The following CHCHD6 variants were observed in gnomAD, a reference collection of about 807,000 sequenced individuals.
The protein encoded by CHCHD6 is coiled-coil-helix-coiled-coil-helix domain containing 6, also known as MICOS complex subunit MIC25.
CHCHD6 carries 28 observed loss-of-function variants against 32.3 expected under a neutral mutation model. The ratio of observed to expected loss-of-function variants is 0.87; its 90% CI spans 0.64 to 1.19. The LOEUF (loss-of-function observed/expected upper bound fraction) is 1.19. Ranked by LOEUF, CHCHD6 falls within the 50% of genes most tolerant of loss-of-function variation. The pLI, the probability that CHCHD6 is intolerant of heterozygous loss-of-function variation, is 0.00. For synonymous variants in CHCHD6, 122 were observed against 117.5 expected, an observed-to-expected ratio of 1.04 and a Z score of -0.25; for missense variants, 333 against 307.0, an observed-to-expected ratio of 1.08 and a Z score of -0.63.
At chr3:126,929,128 T>C (rs2078366215) in intron 6 of CHCHD6, among the ~76,000 whole-genome samples, 1 of 152,230 alleles carries the variant, frequency 6.6e-6, no homozygotes, top group South Asian at 2.1e-4. Flanking sequence ...ATAACTTTTA[T>C]GTCCCCCGTG....
chr3:126,893,528 A>C (rs2077795122), intron 5 of CHCHD6, among the ~76,000 whole-genome samples: 1 of 152,218 alleles, frequency 6.6e-6, no homozygotes, highest in Non-Finnish European at 1.5e-5. Flanking sequence ...AGTTGCGATA[A>C]AAGCCATTAA....
chr3:126,809,363 G>A (rs980984660), intron 4 of CHCHD6, among the ~76,000 whole-genome samples: 5 of 152,190 alleles, frequency 3.3e-5, no homozygotes, highest in African/African-American at 1.2e-4. Context: ...TGGTAGAGTT[G>A]TGTTCTGTCT....
intron 5 of CHCHD6, among the ~76,000 whole-genome samples, chr3:126,889,745 C>G (rs890175639): frequency 6.6e-6 from 1 of 152,342 alleles, no homozygotes; most frequent in South Asian, 2.1e-4. Context: ...CCCAGAGTCT[C>G]GAGAGCTGGA....
At chr3:126,825,923 AT>A (rs922866278) in intron 4 of CHCHD6, among the ~76,000 whole-genome samples, 4 of 152,172 alleles carry the variant, frequency 2.6e-5, no homozygotes, top group Non-Finnish European at 5.9e-5. Context: ...CTTTCTAGCA[AT>A]TCTGTGCTTC....
At chr3:126,740,399 GCTTTAT>G (rs1016307921) in intron 4 of CHCHD6, among the ~76,000 whole-genome samples, 62 of 152,188 alleles carry the variant, frequency 4.1e-4, no homozygotes, top group African/African-American at 1.4e-3. Context: ...CAGTTCTCCT[GCTTTAT>G]CTTTAAGAAA....
At chr3:126,929,695 A>G (rs2107597901) in intron 6 of CHCHD6, among the ~76,000 whole-genome samples, 1 of 152,108 alleles carries the variant, frequency 6.6e-6, no homozygotes, top group Admixed American at 6.5e-5. Flanking sequence ...CCTCCTGAGT[A>G]GCAGGGATTA....
At chr3:126,884,226 A>G (rs1324470755) in intron 5 of CHCHD6, among the ~76,000 whole-genome samples, 3 of 152,180 alleles carry the variant, frequency 2.0e-5, no homozygotes, top group African/African-American at 7.2e-5. Flanking sequence ...TGGGGATGGC[A>G]TACAGTAGGT....
intron 4 of CHCHD6, among the ~76,000 whole-genome samples, chr3:126,761,080 T>G (rs1296981689): frequency 6.6e-6 from 1 of 152,256 alleles, no homozygotes; most frequent in Non-Finnish European, 1.5e-5. Context: ...TCCTCCTGCC[T>G]TGGCCTCCCA....
At chr3:126,929,526 G>A (rs1165397210) in intron 6 of CHCHD6, among the ~76,000 whole-genome samples, 5 of 151,866 alleles carry the variant, frequency 3.3e-5, no homozygotes, top group African/African-American at 9.7e-5. Context: ...CCCATAGAAC[G>A]ATTATTTGAA....
chr3:126,801,938 A>C (rs1369569737), intron 4 of CHCHD6, among the ~76,000 whole-genome samples: 1 of 152,222 alleles, frequency 6.6e-6, no homozygotes. Flanking sequence ...ACCGCTGCTG[A>C]TACCCAGGCA....
At chr3:126,780,658 TG>T (rs1937891883) in intron 4 of CHCHD6, among the ~76,000 whole-genome samples, 2 of 152,204 alleles carry the variant, frequency 1.3e-5, no homozygotes, top group Non-Finnish European at 2.9e-5. Context: ...CTAAGATCCT[TG>T]GTCATCCTAC....
intron 4 of CHCHD6, among the ~76,000 whole-genome samples, chr3:126,839,575 C>T (rs1940989600): frequency 2.0e-5 from 3 of 151,960 alleles, no homozygotes; most frequent in Admixed American, 2.0e-4. Context: ...TTGTGCTTTC[C>T]TCCCTCCCTT....
At chr3:126,776,555 A>G (rs1023279145) in intron 4 of CHCHD6, among the ~76,000 whole-genome samples, 1 of 152,150 alleles carries the variant, frequency 6.6e-6, no homozygotes, top group African/African-American at 2.4e-5. Flanking sequence ...AAGGATTGGG[A>G]CCATGTTTAT....
At chr3:126,917,316 A>G (rs2078185753) in intron 6 of CHCHD6, among the ~76,000 whole-genome samples, 1 of 152,236 alleles carries the variant, frequency 6.6e-6, no homozygotes, top group Admixed American at 6.5e-5. Context: ...GTCCGTGGTC[A>G]CAGCTGGTTC....
chr3:126,829,835 C>A (rs1940561418), intron 4 of CHCHD6, among the ~76,000 whole-genome samples: 1 of 152,108 alleles, frequency 6.6e-6, no homozygotes, highest in Non-Finnish European at 1.5e-5. Flanking sequence ...CGGTGGCTCA[C>A]ACCTATAATC....
chr3:126,956,596 C>T (rs1453769584), intron 6 of CHCHD6, among the ~76,000 whole-genome samples: 1 of 75,132 alleles, frequency 1.3e-5, no homozygotes, highest in Non-Finnish European at 2.9e-5. Flanking sequence ...TGTCAGTGTG[C>T]GCACGAGAGA....
intron 4 of CHCHD6, among the ~76,000 whole-genome samples, chr3:126,760,676 T>C (rs1169723259): frequency 1.3e-5 from 2 of 152,258 alleles, no homozygotes; most frequent in Non-Finnish European, 2.9e-5. Context: ...TCAGAATTTC[T>C]TTCCTTTTTA....
rs374213336 is a variant in CHCHD6 at position 126,822,432 on chromosome 3, A to G, written c.412-30215A>G. ...TCAGAATTCCAGTCCATGTATCTCT[A>G]TGTCCTTATGCCAGTACCACACTGT... On this transcript the variant is annotated intron_variant, in intron 4 of 7. Coordinates refer to ENST00000290913, the MANE Select transcript of CHCHD6 (RefSeq NM_032343.3). Among the ~76,000 whole-genome samples the G allele has an allele frequency of 1.3e-4, 20 of 152,296 alleles. No homozygotes were observed. The East Asian group carries it at 3.9e-3, about 29-fold the overall frequency.
chr3:126,743,996 G>A (rs1049555833), intron 4 of CHCHD6, among the ~76,000 whole-genome samples: 3 of 152,200 alleles, frequency 2.0e-5, no homozygotes, highest in African/African-American at 7.2e-5. Flanking sequence ...CCCTTCTGCT[G>A]CCATGCTTGC....
Sources: allele counts gnomAD v4.1 joint callset (sites outside exome capture counted in the v4.1 genomes callset), GRCh38; gene constraint gnomAD v4.1.1; transcripts MANE v1.5; gene names NCBI Gene and HGNC (gene_info 2026-07-23, HGNC 2026-07-21).